CLIC6: variants seen among roughly 807,000 people sequenced by gnomAD.
CLIC6 encodes the protein CLIC family member 6.
In CLIC6, 39 loss-of-function variants were observed where a neutral mutation model predicts 49.2. The observed-to-expected ratio is 0.79, with a 90% confidence interval of 0.61 to 1.04. CLIC6 has a LOEUF of 1.04. Ranked by LOEUF, CLIC6 falls within the 50% of genes least tolerant of loss-of-function variation. The pLI is 0.00. For synonymous variants in CLIC6, 446 were observed against 433.4 expected (o/e 1.03, Z -0.36); for missense variants, 988 against 993.1 (o/e 0.99, Z 0.07).
rs1009215219 is a variant in CLIC6, at chr21:34,678,303, G to A, written c.1374+7541G>A. Among the ~76,000 whole-genome samples the A allele has an allele frequency of 7.3e-5, 11 of 151,568 alleles. No individual in the cohort carries two copies. The South Asian group carries it at 1.5e-3, about 20-fold the overall frequency. On this transcript the variant is annotated intron_variant, in intron 1 of 5. Coordinates refer to ENST00000349499, the MANE Select transcript of CLIC6 (RefSeq NM_053277.3). ...AAAAAAAAAAAAAAGTCACCCGGGCGTGGTGGCGTGTGCCTGTAGTCCCAG... is the reference window on the plus strand; with the variant it reads ...AAAAAAAAAAAAAAGTCACCCGGGCATGGTGGCGTGTGCCTGTAGTCCCAG...
At chr21:34,699,526 A>T (rs183551190) in intron 1 of CLIC6, among the ~76,000 whole-genome samples, 1 of 151,638 alleles carries the variant, frequency 6.6e-6, no homozygotes, top group Admixed American at 6.6e-5. Flanking sequence ...GGCCTTCCCA[A>T]AGTGCTGAGA....
chr21:34,700,122 G>A (rs573190128), intron 1 of CLIC6, among the ~76,000 whole-genome samples: 1 of 152,054 alleles, frequency 6.6e-6, no homozygotes, highest in East Asian at 1.9e-4. Flanking sequence ...CACATCTGCC[G>A]GCATTCACCG....
intron 3 of CLIC6, 120 bp downstream of exon 3, chr21:34,708,189 C>A: frequency 8.4e-7 from 1 of 1,186,556 alleles, no homozygotes; most frequent in Non-Finnish European, 1.2e-6. Context: ...GTGCTCACTT[C>A]CTTAATCATA....
chr21:34,670,810 G>C (rs1335685487), intron 1 of CLIC6, 48 bp downstream of exon 1: 2 of 1,553,044 alleles, frequency 1.3e-6, no homozygotes, highest in Admixed American at 3.7e-5. Context: ...TTCCATTCGA[G>C]GTCTTGGTCA....
chr21:34,713,217 A>C (rs2056067837), intron 5 of CLIC6, among the ~76,000 whole-genome samples: 1 of 152,250 alleles, frequency 6.6e-6, no homozygotes. Flanking sequence ...ATATATGATC[A>C]AGAACTGCTC....
intron 1 of CLIC6, among the ~76,000 whole-genome samples, chr21:34,693,975 C>CTT (rs71196904): frequency 0.043 from 5,378 of 124,594 alleles, 470 homozygotes; most frequent in African/African-American, 0.14. Flanking sequence ...TTGTTGTTTT[C>CTT]TTTTTTTTTT....
chr21:34,678,430 T>TA (rs772123813), intron 1 of CLIC6, among the ~76,000 whole-genome samples: 229 of 139,160 alleles, frequency 1.6e-3, no homozygotes, highest in East Asian at 6.6e-3. Flanking sequence ...AGACTCCATC[T>TA]AAAAAAAAAA....
rs536799739 is a variant in CLIC6, at chr21:34,669,306, C to T, written c.-83C>T. On this transcript the variant is annotated 5_prime_UTR_variant, in exon 1 of 6. Coordinates refer to ENST00000349499, the MANE Select transcript of CLIC6 (RefSeq NM_053277.3). ...GTCCTTCAAGGAGCACAGAGGGCCC[C>T]GTAGCACGCCCCTTGCCCAGCGCCA... 5 of 1,122,160 alleles carry T rather than the reference C, an allele frequency of 4.5e-6. No homozygotes were observed. The highest frequency in any genetic ancestry group is 5.6e-6 in the Non-Finnish European group (5 of 888,266). 69.5% of individuals were successfully genotyped at this position (1,122,160 alleles called of 1,614,324 possible).
intron 1 of CLIC6, among the ~76,000 whole-genome samples, chr21:34,705,584 T>A (rs1426234128): frequency 6.6e-6 from 1 of 152,166 alleles, no homozygotes; most frequent in Non-Finnish European, 1.5e-5. Flanking sequence ...AAATTAATGC[T>A]GGCGTGGGGA....
At chr21:34,671,121 TAA>T (rs58413747) in intron 1 of CLIC6, among the ~76,000 whole-genome samples, 53 of 115,982 alleles carry the variant, frequency 4.6e-4, no homozygotes, top group African/African-American at 1.3e-3. Flanking sequence ...ACTAAAAAGT[TAA>T]AAAAAAAAAA....
Position 34,669,672 on chromosome 21 carries a change from T to G in CLIC6, c.284T>G (p.Val95Gly). ...AEEGAPEGAEVPQGGEETSGA... is the reference protein window; with the variant it reads ...AEEGAPEGAEGPQGGEETSGA... ...GAGGGAGCCCCGGAGGGTGCCGAGG[T>G]GCCCCAAGGAGGGGAGGAGACAAGC... Residue 95 changes from valine to glycine, a missense_variant, in exon 1 of 6, where the codon GTG becomes GGG. Val to Gly is a moderately radical substitution (Grantham distance 109). This residue lies in a region of CLIC6 where 284 missense variants were observed against 278.6 expected (regional missense o/e 1.02). Transcript: ENST00000349499. The G allele has an allele frequency of 3.8e-6, 5 of 1,328,940 alleles. No individual in the cohort carries two copies. The highest frequency in any genetic ancestry group is 1.6e-5 in the African/African-American group (1 of 63,128). The allele number at this position is 1,328,940 out of a possible 1,614,324, so 82.3% of individuals were successfully genotyped here. A position where few individuals can be genotyped will look rare whatever the true frequency, so the allele number is the denominator to read the frequency against.
intron 1 of CLIC6, among the ~76,000 whole-genome samples, chr21:34,679,335 G>A (rs1245826659): frequency 2.6e-5 from 4 of 152,144 alleles, no homozygotes; most frequent in African/African-American, 7.2e-5. Context: ...GAACAGCATG[G>A]GGGAAACTTC....
intron 1 of CLIC6, among the ~76,000 whole-genome samples, chr21:34,692,101 T>C (rs1419537689): frequency 1.3e-5 from 2 of 152,252 alleles, no homozygotes; most frequent in Non-Finnish European, 2.9e-5. Context: ...GACAAGCATG[T>C]CTTTACAAAA....
rs189434224 is a variant in CLIC6, at chr21:34,706,977, A to G, written c.1375-303A>G. On this transcript the variant is annotated intron_variant, in intron 1 of 5. Transcript: ENST00000349499. ...GGGAGTTCCCATTGCTGCTCCTTCCATCAGTGAGCTGCTGCTCAGAGGCCC... is the reference window on the plus strand; with the variant it reads ...GGGAGTTCCCATTGCTGCTCCTTCCGTCAGTGAGCTGCTGCTCAGAGGCCC... Among the ~76,000 whole-genome samples the G allele has an allele frequency of 1.4e-3, 210 of 152,288 alleles. 1 individual carries two copies. The highest frequency in any genetic ancestry group is 2.6e-3 in the Non-Finnish European group (176 of 68,028).
chr21:34,693,424 AG>A (rs1022430260), intron 1 of CLIC6, among the ~76,000 whole-genome samples: 23 of 152,294 alleles, frequency 1.5e-4, no homozygotes, highest in African/African-American at 5.1e-4. Flanking sequence ...CTTGACCACT[AG>A]GGGGCACCAA....
chr21:34,681,495 G>C (rs1445182713), intron 1 of CLIC6, among the ~76,000 whole-genome samples: 1 of 152,182 alleles, frequency 6.6e-6, no homozygotes, highest in African/African-American at 2.4e-5. Context: ...GGCTAGGGCT[G>C]TGGTTTCATC....
chr21:34,710,314 A>C (rs1190845510), intron 5 of CLIC6, among the ~76,000 whole-genome samples: 1 of 152,106 alleles, frequency 6.6e-6, no homozygotes, highest in East Asian at 1.9e-4. Flanking sequence ...TATTTATTTT[A>C]AAAAAACATT....
intron 1 of CLIC6, among the ~76,000 whole-genome samples, chr21:34,683,674 A>G (rs139434984): frequency 3.9e-5 from 6 of 152,160 alleles, no homozygotes. Flanking sequence ...GTGAGTTCTT[A>G]TGAGATCTGA....
At chr21:34,712,932 T>C (rs997693771) in intron 5 of CLIC6, among the ~76,000 whole-genome samples, 1 of 152,112 alleles carries the variant, frequency 6.6e-6, no homozygotes, top group East Asian at 1.9e-4. Context: ...CCAACTCTAA[T>C]GTGTCTCTCT....
Sources: gnomAD v4.1 joint callset for allele counts (sites outside exome capture counted in the v4.1 genomes callset) on GRCh38, gnomAD v4.1.1 for gene constraint, gnomAD v4.1.1 regional missense constraint, MANE v1.5 for transcripts, NCBI Gene and HGNC (gene_info 2026-07-23, HGNC 2026-07-21) for gene names.